Variants in TASOR observed in about 807,000 individuals in gnomAD.
The protein encoded by TASOR is protein TASOR.
Under a neutral mutation model 178.6 loss-of-function variants are expected in TASOR, and 53 were observed. The ratio of observed to expected loss-of-function variants is 0.30; its 90% CI spans 0.24 to 0.37. The LOEUF (loss-of-function observed/expected upper bound fraction) is 0.37, where lower values mean the gene tolerates loss of function less well. Among genes scored for constraint, TASOR ranks in the 10% least tolerant of loss-of-function variants. The pLI is 1.00. For synonymous variants in TASOR, 713 were observed against 696.2 expected (o/e 1.02, Z -0.38); for missense variants, 1,815 against 1,971.4 (o/e 0.92, Z 1.50).
At position 56,646,692 on chromosome 3, in the gene TASOR, T is replaced by C; in HGVS notation, c.2045A>G (p.Lys682Arg). 1 of 1,613,968 alleles carries C rather than the reference T, an allele frequency of 6.2e-7. No individual in the cohort carries two copies. Among genetic ancestry groups the C allele is most frequent in the Non-Finnish European group, 8.5e-7 (1 of 1,180,020 alleles). Reference sequence around the variant, plus strand: ...ACACTGAATTAAATTAATCAATTCTTTGACTCTATCCTTATCATAATCCAA... The same window carrying C: ...ACACTGAATTAAATTAATCAATTCTCTGACTCTATCCTTATCATAATCCAA... ...HSLDYDKDRV[K>R]ELINLIQCRK... is the part of the protein sequence containing the mutation. Residue 682 changes from lysine to arginine, a missense_variant, in exon 14 of 24, where the codon AAA becomes AGA. Physicochemically the swap from Lys to Arg is conservative, Grantham distance 26. Coordinates refer to ENST00000683822, the MANE Select transcript of TASOR (RefSeq NM_001365635.2).
chr3:56,681,746 A>G (rs1336019452), intron 1 of TASOR, among the ~76,000 whole-genome samples: 1 of 152,222 alleles, frequency 6.6e-6, no homozygotes. Context: ...AAAAAATAAT[A>G]CCCCAATAAC....
intron 18 of TASOR, among the ~76,000 whole-genome samples, chr3:56,631,885 C>CTG (rs773107364): frequency 6.6e-6 from 1 of 151,998 alleles, no homozygotes; most frequent in Admixed American, 6.6e-5. Flanking sequence ...GCCCAGCCAT[C>CTG]TGTGTGTGTG....
chr3:56,639,120 T>C (rs181829443), intron 16 of TASOR, among the ~76,000 whole-genome samples: 1 of 152,340 alleles, frequency 6.6e-6, no homozygotes, highest in African/African-American at 2.4e-5. Flanking sequence ...AAGTAGAAGA[T>C]GGTGCTAAAG....
chr3:56,668,310 CAG>C, intron 6 of TASOR, 85 bp downstream of exon 6: 2 of 1,268,902 alleles, frequency 1.6e-6, no homozygotes, highest in East Asian at 5.1e-5. Context: ...AATGTGGGGA[CAG>C]AGAGAACTGA....
At chr3:56,681,106 AT>A (rs1436001601) in intron 1 of TASOR, among the ~76,000 whole-genome samples, 3 of 150,054 alleles carry the variant, frequency 2.0e-5, no homozygotes, top group South Asian at 2.1e-4. Flanking sequence ...AAAAAAAAAA[AT>A]CACGGTTTGT....
intron 17 of TASOR, among the ~76,000 whole-genome samples, chr3:56,636,401 G>T (rs187775051): frequency 0.049 from 7,393 of 151,928 alleles, 186 homozygotes; most frequent in East Asian, 0.09. Flanking sequence ...GGTGGTGGTG[G>T]TGGTGTTGTT....
At chr3:56,642,461 TG>T in intron 14 of TASOR, among the ~76,000 whole-genome samples, 1 of 152,282 alleles carries the variant, frequency 6.6e-6, no homozygotes, top group Admixed American at 6.5e-5. Flanking sequence ...GCTTTAATAT[TG>T]GGGTGGGGTA....
chr3:56,678,820 G>A (rs1338240895), intron 1 of TASOR, among the ~76,000 whole-genome samples: 1 of 151,910 alleles, frequency 6.6e-6, no homozygotes, highest in Non-Finnish European at 1.5e-5. Flanking sequence ...AGACCAGCCT[G>A]GCCAACATGG....
chr3:56,640,209 A>C, intron 15 of TASOR, 79 bp from the exon 16 acceptor site: 1 of 1,292,326 alleles, frequency 7.7e-7, no homozygotes, highest in Non-Finnish European at 1.1e-6. Flanking sequence ...TTTCACTGAA[A>C]ATTCACGTGC....
intron 14 of TASOR, among the ~76,000 whole-genome samples, chr3:56,644,415 G>T (rs1360802586): frequency 6.6e-6 from 1 of 151,822 alleles, no homozygotes; most frequent in Non-Finnish European, 1.5e-5. Flanking sequence ...AAGGAGAATA[G>T]ACAGAAAGCT....
In TASOR at chr3:56,642,103, A is replaced by G. The variant is rs140967535; in HGVS notation, c.2216-351T>C. On this transcript the variant is annotated intron_variant, in intron 14 of 23. Transcript: ENST00000683822. The stretch of plus-strand genomic sequence containing the variant: ...AACATTTGTAATTACTATTTTGCCA[A>G]TTGTTAGGATTATATGTGTATTACA... 5.8e-4 allele frequency among the ~76,000 whole-genome samples: 88 copies of G among 152,352 alleles called. 1 individual carries two copies. The East Asian group carries it at 0.016, about 27-fold the overall frequency.
In TASOR at chr3:56,628,604, A is replaced by G. The variant is rs750118838; in HGVS notation, c.3758T>C (p.Ile1253Thr). Residue 1253 changes from isoleucine to threonine, a missense_variant, in exon 19 of 24, where the codon ATC becomes ACC. Transcript: ENST00000683822. ...ATGACATTCTGTATTGCCTAATTTG[A>G]TAAGATATTCCTGTTAAAGAAAAAC... ...VLCKEIKEYLIKLGNTECHPE... is the reference protein window; with the variant it reads ...VLCKEIKEYLTKLGNTECHPE... The G allele has an allele frequency of 4.5e-6, 7 of 1,557,904 alleles. No homozygotes were observed. The highest frequency in any genetic ancestry group is 2.7e-5 in the African/African-American group (2 of 73,300).
chr3:56,638,230 T>C (rs890840179), intron 17 of TASOR, among the ~76,000 whole-genome samples: 7 of 151,944 alleles, frequency 4.6e-5, no homozygotes, highest in Admixed American at 3.3e-4. Flanking sequence ...CTGGGCATGG[T>C]GGCATGCGCC....
intron 1 of TASOR, 140 bp from the exon 2 acceptor site, chr3:56,673,865 G>C: frequency 1.4e-6 from 1 of 707,450 alleles, no homozygotes; most frequent in Non-Finnish European, 2.2e-6. Flanking sequence ...ATACGCAAAA[G>C]AGATACTTAT....
intron 11 of TASOR, among the ~76,000 whole-genome samples, chr3:56,653,192 G>GGT (rs1476793406): frequency 6.8e-6 from 1 of 146,304 alleles, no homozygotes; most frequent in African/African-American, 2.5e-5. Context: ...GAACCCGGGA[G>GGT]GTGGAGGTTG....
At chr3:56,629,169 A>G in intron 18 of TASOR, 1 of 152,284 alleles carries the variant, frequency 6.6e-6, no homozygotes, top group East Asian at 1.9e-4. Context: ...TCACACAGTC[A>G]CAATGTTACA....
Position 56,668,562 on chromosome 3 carries a change from A to T in TASOR, c.736-4T>A. 1 of 1,532,178 alleles carries T rather than the reference A, an allele frequency of 6.5e-7. No homozygotes were observed. Among genetic ancestry groups the T allele is most frequent in the Admixed American group, 2.2e-5 (1 of 45,932 alleles). 94.9% of individuals were successfully genotyped at this position (1,532,178 alleles called of 1,614,324 possible). ...CATATATACTCTTTATTTTACCCTA[A>T]AATAGAGAAAACCTTTTAAGTGTCT... On this transcript the variant is annotated splice_polypyrimidine_tract_variant and splice_region_variant and intron_variant, in intron 5 of 23. Coordinates refer to ENST00000683822, the MANE Select transcript of TASOR (RefSeq NM_001365635.2).
chr3:56,633,344 C>T lies in TASOR; in HGVS notation c.3447G>A (p.Glu1149=), dbSNP rs1404454246. The T allele has an allele frequency of 6.2e-7, 1 of 1,614,026 alleles. No homozygotes were observed. The highest frequency in any genetic ancestry group is 1.3e-5 in the African/African-American group (1 of 74,894). Reference sequence around the variant, plus strand: ...CAGTTAAAGCCGAAGTGGAATGCTGCTCATCAGAGTTGGTATCTTTCAAAG... The same window carrying T: ...CAGTTAAAGCCGAAGTGGAATGCTGTTCATCAGAGTTGGTATCTTTCAAAG... ...SDPLKDTNSD[E]QHSTSALTEV... Residue 1149 remains glutamate, a synonymous_variant, in exon 18 of 24, where the codon GAG becomes GAA. Transcript: ENST00000683822.
At chr3:56,663,193 A>C (rs1209001007) in intron 8 of TASOR, among the ~76,000 whole-genome samples, 2 of 152,208 alleles carry the variant, frequency 1.3e-5, no homozygotes, top group African/African-American at 4.8e-5. Context: ...AAAAGAAAAA[A>C]AAACAAAGAA....
Sources: gnomAD v4.1 joint callset for allele counts (sites outside exome capture counted in the v4.1 genomes callset) on GRCh38, gnomAD v4.1.1 for gene constraint, MANE v1.5 for transcripts, NCBI Gene and HGNC (gene_info 2026-07-23, HGNC 2026-07-21) for gene names.